The following PDE9A variants were observed in gnomAD, a reference collection of about 807,000 sequenced individuals.
PDE9A encodes high affinity cGMP-specific 3',5'-cyclic phosphodiesterase 9A.
A neutral mutation model predicts 87.4 loss-of-function variants in PDE9A; 60 were observed. The ratio of observed to expected loss-of-function variants is 0.69; its 90% CI spans 0.56 to 0.85. The LOEUF is 0.85. Ranked by LOEUF, PDE9A falls within the 40% of genes least tolerant of loss-of-function variation. The pLI, the probability that PDE9A is intolerant of heterozygous loss-of-function variation, is 0.00. For synonymous variants in PDE9A, 272 were observed against 279.4 expected, an observed-to-expected ratio of 0.97 and a Z score of 0.27; for missense variants, 665 against 779.0, an observed-to-expected ratio of 0.85 and a Z score of 1.74.
chr21:42,762,330 C>A, intron 14 of PDE9A, 91 bp downstream of exon 14: 1 of 1,376,390 alleles, frequency 7.3e-7, no homozygotes, highest in Non-Finnish European at 1.0e-6. Context: ...CTCCCAGAAG[C>A]TCCTGGCCAC....
chr21:42,675,649 C>T lies in PDE9A; in HGVS notation c.70-10543C>T, dbSNP rs1281980310. The stretch of plus-strand genomic sequence containing the variant: ...CTGCGTTAGTGCCGCCACTTCATCT[C>T]AGATACTCTCCTGAAGATAAGAGGA... On this transcript the variant is annotated intron_variant, in intron 1 of 19. Transcript: ENST00000291539. This position sits in a 1 kb window ranked among gnomAD's most constrained non-coding sequence, Gnocchi z 4.3. Among the ~76,000 whole-genome samples, 1 of 152,206 alleles carries T rather than the reference C, an allele frequency of 6.6e-6. No individual in the cohort carries two copies. The highest frequency in any genetic ancestry group is 6.5e-5 in the Admixed American group (1 of 15,290).
At chr21:42,747,688 T>C (rs1335977781) in intron 8 of PDE9A, among the ~76,000 whole-genome samples, 1 of 152,200 alleles carries the variant, frequency 6.6e-6, no homozygotes, top group Non-Finnish European at 1.5e-5. Flanking sequence ...GGGGCAGGTC[T>C]ACCCCAGGGG....
chr21:42,710,168 G>A lies in PDE9A; in HGVS notation c.262+11157G>A, dbSNP rs374819201. 6.5e-4 allele frequency among the ~76,000 whole-genome samples: 99 copies of A among 152,038 alleles called. 1 individual carries two copies. In the South Asian group the frequency reaches 0.02, roughly 31 times the overall value. ...CACGCCTGTAATCCCAGCACTTTGG[G>A]AGGCCGAGGCGGGCGGATCACTTGA... On this transcript the variant is annotated intron_variant, in intron 4 of 19. Coordinates refer to ENST00000291539, the MANE Select transcript of PDE9A (RefSeq NM_002606.3).
chr21:42,730,292 G>T (rs985889100), intron 4 of PDE9A, among the ~76,000 whole-genome samples: 3 of 152,128 alleles, frequency 2.0e-5, no homozygotes, highest in Non-Finnish European at 4.4e-5. Flanking sequence ...GTACCTTCAA[G>T]AAATATAACA....
At position 42,718,532 on chromosome 21, in the gene PDE9A, C is replaced by T. The variant is rs184497195; in HGVS notation, c.263-13238C>T. ...TGACCTGTCCTTGATTTCCCTGACT[C>T]TTCCACTGACTCCAGACTTCTGTAA... On this transcript the variant is annotated intron_variant, in intron 4 of 19. Transcript: ENST00000291539. Among the ~76,000 whole-genome samples, 29 of 151,658 alleles carry T rather than the reference C, an allele frequency of 1.9e-4. 3 individuals carry two copies. Among genetic ancestry groups the T allele is most frequent in the South Asian group, 1.7e-3 (8 of 4,726 alleles).
chr21:42,664,797 G>A (rs1052401784), intron 1 of PDE9A, among the ~76,000 whole-genome samples: 1 of 152,172 alleles, frequency 6.6e-6, no homozygotes, highest in Non-Finnish European at 1.5e-5. Context: ...CGGCCGGGTC[G>A]GCCTTGCGAG....
chr21:42,758,771 G>A (rs2093134973), intron 10 of PDE9A: 1 of 499,768 alleles, frequency 2.0e-6, no homozygotes, highest in Admixed American at 3.4e-5. Flanking sequence ...CCCCCAGTGT[G>A]CTCTCAAACC....
At chr21:42,667,330 A>T (rs1215841568) in intron 1 of PDE9A, among the ~76,000 whole-genome samples, 1 of 152,210 alleles carries the variant, frequency 6.6e-6, no homozygotes, top group Non-Finnish European at 1.5e-5. Context: ...CCCAGCAAGT[A>T]CAGACCAGGG....
chr21:42,663,345 C>A (rs1346374598), intron 1 of PDE9A, among the ~76,000 whole-genome samples: 1 of 152,192 alleles, frequency 6.6e-6, no homozygotes, highest in Non-Finnish European at 1.5e-5. Context: ...ACACACCACA[C>A]ACGCACAGTA....
chr21:42,773,775 TG>T (rs1461232515), intron 19 of PDE9A, among the ~76,000 whole-genome samples: 1 of 148,102 alleles, frequency 6.8e-6, no homozygotes, highest in Non-Finnish European at 1.5e-5. Flanking sequence ...CACTCCAGCC[TG>T]GGCAACAGAG....
chr21:42,731,021 G>A (rs775207342), intron 4 of PDE9A, among the ~76,000 whole-genome samples: 3 of 152,154 alleles, frequency 2.0e-5, no homozygotes, highest in African/African-American at 7.2e-5. Context: ...GCAATGGCAC[G>A]ATCTCAGCTC....
intron 3 of PDE9A, among the ~76,000 whole-genome samples, chr21:42,688,394 C>G (rs1169081016): frequency 1.3e-5 from 2 of 152,204 alleles, no homozygotes; most frequent in Non-Finnish European, 2.9e-5. Context: ...GGGCCGGTCT[C>G]TGTGTTCATA....
intron 4 of PDE9A, among the ~76,000 whole-genome samples, chr21:42,712,362 T>G (rs1602206750): frequency 6.6e-6 from 1 of 152,364 alleles, no homozygotes; most frequent in East Asian, 1.9e-4. Flanking sequence ...GATTTTTGGA[T>G]GTTGGCGTTG....
chr21:42,773,682 T>C (rs2057238128), intron 19 of PDE9A, among the ~76,000 whole-genome samples: 1 of 151,654 alleles, frequency 6.6e-6, no homozygotes, highest in Non-Finnish European at 1.5e-5. Context: ...GTGCCTGTAG[T>C]CCCAGCTACT....
chr21:42,714,908 C>G (rs2049731529), intron 4 of PDE9A, among the ~76,000 whole-genome samples: 1 of 149,060 alleles, frequency 6.7e-6, no homozygotes, highest in African/African-American at 2.5e-5. Context: ...CTCTACCAGT[C>G]TTTGTTGATA....
chr21:42,681,729 T>C (rs1490548213), intron 1 of PDE9A, among the ~76,000 whole-genome samples: 2 of 152,196 alleles, frequency 1.3e-5, no homozygotes, highest in African/African-American at 4.8e-5. Context: ...TGCCGTGCAT[T>C]CTCGTAAGCT....
intron 4 of PDE9A, among the ~76,000 whole-genome samples, chr21:42,725,796 C>T (rs1314390914): frequency 6.6e-6 from 1 of 152,162 alleles, no homozygotes; most frequent in Non-Finnish European, 1.5e-5. Flanking sequence ...ATACATCCGC[C>T]AGGAACATGT....
chr21:42,751,292 G>T, intron 9 of PDE9A, 95 bp downstream of exon 9: 1 of 891,420 alleles, frequency 1.1e-6, no homozygotes. Flanking sequence ...CTGTGTGTAC[G>T]TTCACATCAA....
chr21:42,719,621 C>T (rs2050273792), intron 4 of PDE9A, among the ~76,000 whole-genome samples: 6 of 133,656 alleles, frequency 4.5e-5, no homozygotes, highest in Admixed American at 4.2e-4. Context: ...GCCTGGGTGA[C>T]AGAGTGAGAG....
Sources: gnomAD v4.1 joint callset for allele counts (sites outside exome capture counted in the v4.1 genomes callset) on GRCh38, gnomAD v4.1.1 for gene constraint, Gnocchi (gnomAD v3.1) non-coding constraint, MANE v1.5 for transcripts, NCBI Gene and HGNC (gene_info 2026-07-23, HGNC 2026-07-21) for gene names.